GTF3C1: variants seen among roughly 807,000 people sequenced by gnomAD.
The protein encoded by GTF3C1 is general transcription factor 3C polypeptide 1.
A neutral mutation model predicts 226.7 loss-of-function variants in GTF3C1; 57 were observed. The ratio of observed to expected loss-of-function variants is 0.25; its 90% CI spans 0.20 to 0.31. GTF3C1 has a LOEUF of 0.31. Ranked by LOEUF, GTF3C1 falls within the 10% of genes least tolerant of loss-of-function variation. The probability of loss-of-function intolerance (pLI) is 1.00; values close to 1 mark genes in which losing one functional copy is unlikely to be tolerated. For synonymous variants in GTF3C1, 1,090 were observed against 1,084.8 expected, an observed-to-expected ratio of 1.00 and a Z score of -0.09; for missense variants, 2,217 against 2,776.1, an observed-to-expected ratio of 0.80 and a Z score of 4.53.
chr16:27,541,411 AACT>A (rs1266348192), intron 2 of GTF3C1, among the ~76,000 whole-genome samples: 1 of 152,226 alleles, frequency 6.6e-6, no homozygotes, highest in Non-Finnish European at 1.5e-5. Flanking sequence ...CAGGGGTTAC[AACT>A]TCAAACATGT....
chr16:27,546,243 T>C (rs1333421657), intron 1 of GTF3C1, among the ~76,000 whole-genome samples: 2 of 152,174 alleles, frequency 1.3e-5, no homozygotes, highest in Non-Finnish European at 2.9e-5. Flanking sequence ...ACCGCCTGCA[T>C]GTTAACAAGT....
At chr16:27,545,897 A>G (rs1360019281) in intron 1 of GTF3C1, among the ~76,000 whole-genome samples, 1 of 152,130 alleles carries the variant, frequency 6.6e-6, no homozygotes, top group Non-Finnish European at 1.5e-5. Context: ...TGCCCAGGCT[A>G]GAGTCCAATG....
At chr16:27,464,280 GGGTGGGGTGA>G (rs959658105) in intron 34 of GTF3C1, 30 bp downstream of exon 34, 9 of 1,362,666 alleles carry the variant, frequency 6.6e-6, no homozygotes, top group Non-Finnish European at 8.7e-6. Context: ...GGGAAAGCCA[GGGTGGGGTGA>G]GGTGGGGTGG....
chr16:27,492,671 G>C lies in GTF3C1; in HGVS notation c.2919C>G (p.Cys973Trp). Residue 973 changes from cysteine (C) to tryptophan (W), a missense_variant, in exon 18 of 37, where the codon TGC becomes TGG. Physicochemically the swap from Cys to Trp is radical, Grantham distance 215. This residue lies in a region of GTF3C1 where 353 missense variants were observed against 411.7 expected (regional missense o/e 0.86). Coordinates refer to ENST00000356183, the MANE Select transcript of GTF3C1 (RefSeq NM_001520.4). This position sits in a 1 kb window ranked among gnomAD's most constrained non-coding sequence, Gnocchi z 5.0. ...FSVVENLQRL[C>W]YMGLLQFGPT... The stretch of plus-strand genomic sequence containing the variant: ...GACCAAACTGTAGCAGCCCCATGTA[G>C]CACAGCCTCTGAAGGTTCTCCACCA... 3 of 1,606,920 alleles carry C rather than the reference G, an allele frequency of 1.9e-6. No homozygotes were observed. Among genetic ancestry groups the C allele is most frequent in the Non-Finnish European group, 2.6e-6 (3 of 1,173,480 alleles).
At chr16:27,529,454 A>AAG (rs1173181694) in intron 5 of GTF3C1, among the ~76,000 whole-genome samples, 4 of 151,978 alleles carry the variant, frequency 2.6e-5, no homozygotes, top group African/African-American at 9.7e-5. Context: ...AAAAAAAAAA[A>AAG]AAATTGTGAA....
intron 25 of GTF3C1, chr16:27,483,379 ACT>A (rs2088086458): frequency 1.6e-6 from 1 of 608,690 alleles, no homozygotes; most frequent in Non-Finnish European, 3.1e-6. Context: ...AACCGAGAAC[ACT>A]GAGTCCCAAA....
At position 27,492,541 on chromosome 16, in the gene GTF3C1, A is replaced by AACC; in HGVS notation, c.2974-29_2974-27dup. ...CTAAGGGGAGACACCAGACAGGGAG[A>AACC]ACCCACATTGGGTCTGGCTGCTTGG... On this transcript the variant is annotated intron_variant, in intron 18 of 36. Transcript: ENST00000356183. The surrounding 1 kb of genome is among the most constrained non-coding windows in gnomAD (Gnocchi z 5.0). 6.3e-7 allele frequency: 1 copy of AACC among 1,593,014 alleles called. No homozygotes were observed. The highest frequency in any genetic ancestry group is 8.6e-7 in the Non-Finnish European group (1 of 1,160,930).
chr16:27,486,725 G>A (rs537416995), intron 23 of GTF3C1, among the ~76,000 whole-genome samples: 21 of 152,344 alleles, frequency 1.4e-4, no homozygotes, highest in Admixed American at 4.6e-4. Flanking sequence ...TGAGATCGGT[G>A]TAGTTAATAA....
chr16:27,472,068 G>T, intron 29 of GTF3C1, 148 bp from the exon 30 acceptor site: 1 of 654,830 alleles, frequency 1.5e-6, no homozygotes, highest in Non-Finnish European at 2.7e-6. Context: ...GTGTGTCAGT[G>T]AGTGTGTGTG....
At chr16:27,464,166 C>G (rs375829130) in intron 34 of GTF3C1, 154 bp downstream of exon 34, 9 of 481,244 alleles carry the variant, frequency 1.9e-5, no homozygotes, top group South Asian at 5.0e-5. Context: ...GTATCCTCCC[C>G]CTCAGGGCTC....
At chr16:27,508,047 T>C (rs1596641840) in intron 8 of GTF3C1, among the ~76,000 whole-genome samples, 1 of 152,258 alleles carries the variant, frequency 6.6e-6, no homozygotes, top group African/African-American at 2.4e-5. Context: ...TTCACTCTTG[T>C]TGCCCAGGTT....
intron 7 of GTF3C1, among the ~76,000 whole-genome samples, chr16:27,509,240 C>CTGTG (rs2088535210): frequency 1.3e-5 from 2 of 152,194 alleles, no homozygotes; most frequent in South Asian, 4.1e-4. Flanking sequence ...CCCGCTGTTG[C>CTGTG]TGTGTGTAGC....
Position 27,462,380 on chromosome 16 carries a change from T to G in GTF3C1, c.6031A>C (p.Met2011Leu). The change falls in exon 36 of 37, where the codon ATG becomes CTG. Residue 2011 changes from methionine to leucine, a missense_variant. Coordinates refer to ENST00000356183, the MANE Select transcript of GTF3C1 (RefSeq NM_001520.4). The surrounding 1 kb of genome is among the most constrained non-coding windows in gnomAD (Gnocchi z 4.5). Reference sequence around the variant, plus strand: ...CTCTCGGGGATGCCAGGCCTGGTCATGATGTGGTACAGCATGGCCTCCATC... The same window carrying G: ...CTCTCGGGGATGCCAGGCCTGGTCAGGATGTGGTACAGCATGGCCTCCATC... Reference protein sequence around the residue: ...GMMEAMLYHIMTRPGIPESSL... With the variant: ...GMMEAMLYHILTRPGIPESSL... 1 of 1,605,082 alleles carries G rather than the reference T, an allele frequency of 6.2e-7. No homozygotes were observed. The highest frequency in any genetic ancestry group is 2.3e-5 in the East Asian group (1 of 44,380).
At position 27,471,740 on chromosome 16, in the gene GTF3C1, G is replaced by A; in HGVS notation, c.4526+8C>T. 2 of 1,610,080 alleles carry A rather than the reference G, an allele frequency of 1.2e-6. No homozygotes were observed. The highest frequency in any genetic ancestry group is 1.7e-6 in the Non-Finnish European group (2 of 1,176,392). ...TCGGAGTACCCAAGGCTCCTGACAG[G>A]TACTCACCTGTAGTAGGTCTGGGAT... is the stretch of plus-strand genomic sequence containing the variant. On this transcript the variant is annotated splice_region_variant and intron_variant, in intron 30 of 36. Transcript: ENST00000356183. This position sits in a 1 kb window ranked among gnomAD's most constrained non-coding sequence, Gnocchi z 5.0.
rs768632780 is a variant in GTF3C1 at position 27,484,325 on chromosome 16, A to T, written c.3887T>A (p.Val1296Glu). ...CGTGGCATGCAAAATGTCCCGTACC[A>T]CCTGCCAGGTGACAAATGGGCCCTT... ...KVKGPFVTWQ[V>E]VRDILHATFE... is the part of the protein sequence containing the mutation. The change falls in exon 25 of 37, where the codon GTG (valine) becomes GAG (glutamate). Residue 1296 changes from valine to glutamate, a missense_variant. By Grantham distance (121) the Val-to-Glu change is moderately radical (BLOSUM62 -2). This residue lies in a region of GTF3C1 where 546 missense variants were observed against 663.0 expected (regional missense o/e 0.82). Coordinates refer to ENST00000356183, the MANE Select transcript of GTF3C1 (RefSeq NM_001520.4). 3 of 1,610,680 alleles carry T rather than the reference A, an allele frequency of 1.9e-6. No individual in the cohort carries two copies. The highest frequency in any genetic ancestry group is 2.2e-5 in the South Asian group (2 of 90,994).
rs573189186 is a variant in GTF3C1, at chr16:27,467,633, G to A, written c.5074+1658C>T. ...GCCTGTAATCCCAGCACTTTGGGAG[G>A]CTACGGTGGGTGGATCACCTGAGGG... On this transcript the variant is annotated intron_variant, in intron 32 of 36. Coordinates refer to ENST00000356183, the MANE Select transcript of GTF3C1 (RefSeq NM_001520.4). Among the ~76,000 whole-genome samples the A allele has an allele frequency of 9.8e-5, 15 of 152,338 alleles. No individual in the cohort carries two copies. In the South Asian group the frequency reaches 1.9e-3, roughly 19 times the overall value.
At chr16:27,498,576 G>T in intron 13 of GTF3C1, 54 bp downstream of exon 13, 1 of 871,106 alleles carries the variant, frequency 1.1e-6, no homozygotes, top group Non-Finnish European at 2.0e-6. Context: ...GCTGTAGGCT[G>T]ACACACAGAC....
intron 8 of GTF3C1, among the ~76,000 whole-genome samples, chr16:27,508,238 T>C (rs1010631162): frequency 6.6e-6 from 1 of 152,248 alleles, no homozygotes; most frequent in African/African-American, 2.4e-5. Context: ...CTTGAACTTC[T>C]GATGTCAGGT....
In GTF3C1 at chr16:27,471,528, G is replaced by T; in HGVS notation, c.4526+220C>A. 1 of 510,882 alleles carries T rather than the reference G, an allele frequency of 2.0e-6. No individual in the cohort carries two copies. Among genetic ancestry groups the T allele is most frequent in the Non-Finnish European group, 3.5e-6 (1 of 286,412 alleles). 31.6% of individuals were successfully genotyped at this position (510,882 alleles called of 1,614,324 possible). On this transcript the variant is annotated intron_variant, in intron 30 of 36. Coordinates refer to ENST00000356183, the MANE Select transcript of GTF3C1 (RefSeq NM_001520.4). The surrounding 1 kb of genome is among the most constrained non-coding windows in gnomAD (Gnocchi z 5.0). ...ACGGAAACAAACCACCTGCAAAATG[G>T]TAACGCCGCCAACACAAAGAAGCTG...
Sources: allele counts gnomAD v4.1 joint callset (sites outside exome capture counted in the v4.1 genomes callset), GRCh38; gene constraint gnomAD v4.1.1; regional missense constraint gnomAD v4.1.1; non-coding constraint Gnocchi (gnomAD v3.1); transcripts MANE v1.5; gene names NCBI Gene and HGNC (gene_info 2026-07-23, HGNC 2026-07-21).